Variants in PDZD2 observed in about 807,000 individuals in gnomAD.
PDZD2 encodes the protein PDZ domain containing 2, also known as PDZ domain-containing protein 2.
A neutral mutation model predicts 220.7 loss-of-function variants in PDZD2; 90 were observed. The ratio of observed to expected loss-of-function variants is 0.41; its 90% confidence interval spans 0.34 to 0.49. The LOEUF (loss-of-function observed/expected upper bound fraction) is 0.49, where lower values mean the gene tolerates loss of function less well. Among genes scored for constraint, PDZD2 ranks in the 20% least tolerant of loss-of-function variants. PDZD2 has a pLI of 0.28. For missense variants in PDZD2, 3,174 were observed against 3,608.5 expected (o/e 0.88, Z 3.08); for synonymous variants, 1,375 against 1,450.5 (o/e 0.95, Z 1.18).
chr5:31,935,467 C>G (rs1361990660), intron 2 of PDZD2, among the ~76,000 whole-genome samples: 3 of 152,314 alleles, frequency 2.0e-5, no homozygotes, highest in Admixed American at 6.5e-5. Context: ...AACTCAAGGG[C>G]TGACTGATAA....
chr5:31,955,683 CTTTT>C (rs34964306), intron 2 of PDZD2, among the ~76,000 whole-genome samples: 5 of 116,882 alleles, frequency 4.3e-5, no homozygotes, highest in Non-Finnish European at 7.1e-5. Flanking sequence ...GGGCTCTGTT[CTTTT>C]TTTTTTTTTT....
At chr5:31,937,208 T>G (rs945789022) in intron 2 of PDZD2, among the ~76,000 whole-genome samples, 2 of 152,194 alleles carry the variant, frequency 1.3e-5, no homozygotes, top group African/African-American at 4.8e-5. Context: ...TTTCTAGGCC[T>G]TGCTTCTCCT....
At chr5:31,784,303 C>T (rs1055098837) in intron 1 of PDZD2, among the ~76,000 whole-genome samples, 14 of 152,182 alleles carry the variant, frequency 9.2e-5, no homozygotes, top group African/African-American at 3.4e-4. Context: ...CCCTTCTTCG[C>T]AGCCCCGAAC....
At chr5:32,094,691 A>G (rs2111604576) in intron 21 of PDZD2, among the ~76,000 whole-genome samples, 1 of 150,694 alleles carries the variant, frequency 6.6e-6, no homozygotes, top group South Asian at 2.1e-4. Context: ...GAGACCCCTC[A>G]TCTCTCAAAA....
chr5:31,704,580 T>A (rs1747736729), intron 1 of PDZD2, among the ~76,000 whole-genome samples: 1 of 152,238 alleles, frequency 6.6e-6, no homozygotes, highest in Admixed American at 6.5e-5. Context: ...TGACTGCAGA[T>A]TTTTCCTATT....
At chr5:32,050,426 CTCTTTTCAAGAAAACTGTCCTT>C (rs1738420149) in intron 8 of PDZD2, among the ~76,000 whole-genome samples, 2 of 152,184 alleles carry the variant, frequency 1.3e-5, no homozygotes, top group Non-Finnish European at 2.9e-5. Flanking sequence ...GTTTTTCCCT[CTCTTTTCAAGAAAACTGTCCTT>C]TCTTTTGTCT....
At chr5:32,021,001 CG>C (rs1554026671) in intron 6 of PDZD2, among the ~76,000 whole-genome samples, 1 of 150,342 alleles carries the variant, frequency 6.7e-6, no homozygotes, top group Non-Finnish European at 1.5e-5. Flanking sequence ...CATTGGGTGC[CG>C]GGGGGAAAAA....
At chr5:31,864,608 C>G (rs954262405) in intron 2 of PDZD2, among the ~76,000 whole-genome samples, 4 of 151,994 alleles carry the variant, frequency 2.6e-5, no homozygotes, top group African/African-American at 9.7e-5. Flanking sequence ...CAACCTCTGC[C>G]TCCCAGGTTC....
In PDZD2 at chr5:31,983,437, C is replaced by T. The variant is rs1043921372; in HGVS notation, c.759C>T (p.Gly253=). 1 of 1,614,184 alleles carries T rather than the reference C, an allele frequency of 6.2e-7. No homozygotes were observed. Among genetic ancestry groups the T allele is most frequent in the African/African-American group, 1.3e-5 (1 of 75,030 alleles). ...SSDPSTELEN[G]PDPELGNGHV... ...ACCCCAGCACTGAGCTGGAGAACGG[C>T]CCTGACCCTGAACTTGGAAACGGCC... Residue 253 remains glycine, a synonymous_variant, in exon 3 of 25, where the codon GGC becomes GGT. Coordinates refer to ENST00000438447, the MANE Select transcript of PDZD2 (RefSeq NM_178140.4).
chr5:32,100,776 C>T (rs1332187533), intron 23 of PDZD2: 1 of 716,652 alleles, frequency 1.4e-6, no homozygotes, highest in Non-Finnish European at 2.2e-6. Context: ...CTGAGAAGTG[C>T]ACAGCCGGTG....
At chr5:32,038,643 G>T (rs1336850725) in intron 7 of PDZD2, among the ~76,000 whole-genome samples, 1 of 152,076 alleles carries the variant, frequency 6.6e-6, no homozygotes, top group Non-Finnish European at 1.5e-5. Flanking sequence ...TATTTAAAAG[G>T]AAACACTTTT....
chr5:31,933,891 G>A (rs1411499622), intron 2 of PDZD2, among the ~76,000 whole-genome samples: 1 of 152,184 alleles, frequency 6.6e-6, no homozygotes, highest in East Asian at 1.9e-4. Context: ...TGCCTGTCAT[G>A]GATAATGCAA....
intron 6 of PDZD2, 95 bp from the exon 7 acceptor site, chr5:32,037,136 G>A: frequency 1.3e-6 from 1 of 750,734 alleles, no homozygotes. Flanking sequence ...CTGTATTGCT[G>A]CTCCTTGAGC....
intron 2 of PDZD2, among the ~76,000 whole-genome samples, chr5:31,976,943 C>T (rs1749840079): frequency 6.6e-6 from 1 of 151,542 alleles, no homozygotes; most frequent in Non-Finnish European, 1.5e-5. Flanking sequence ...GTCTCGAACT[C>T]CTGACCCCAT....
At chr5:31,947,934 G>A (rs1192398544) in intron 2 of PDZD2, among the ~76,000 whole-genome samples, 1 of 151,968 alleles carries the variant, frequency 6.6e-6, no homozygotes, top group Non-Finnish European at 1.5e-5. Context: ...GAAGGGCTTT[G>A]GGAAAGAAAG....
At chr5:31,741,327 TG>T (rs1217977947) in intron 1 of PDZD2, among the ~76,000 whole-genome samples, 2 of 152,070 alleles carry the variant, frequency 1.3e-5, no homozygotes, top group Admixed American at 1.3e-4. Context: ...CCCCAATTTT[TG>T]GCAATGAAAA....
Position 32,088,672 on chromosome 5 carries a change from G to A in PDZD2, c.5224G>A (p.Glu1742Lys), listed in dbSNP as rs202191557. 49 of 1,613,896 alleles carry A rather than the reference G, an allele frequency of 3.0e-5. No homozygotes were observed. Among genetic ancestry groups the A allele is most frequent in the Admixed American group, 1.2e-4 (7 of 60,010 alleles). ...NGLEHDLLDDETLNQYETSIN... is the reference protein window; with the variant it reads ...NGLEHDLLDDKTLNQYETSIN... ...CTTGGAACATGACCTGCTAGATGAC[G>A]AAACCCTGAATCAATACGAAACAAG... Residue 1742 changes from glutamate (E) to lysine (K), a missense_variant, in exon 20 of 25, where the codon GAA (glutamate) becomes AAA (lysine). Around this residue, in one of 4 missense-constraint regions of PDZD2, gnomAD observed 1,861 missense variants for 2,001.0 expected, o/e 0.93. Transcript: ENST00000438447. The surrounding 1 kb of genome is among the most constrained non-coding windows in gnomAD (Gnocchi z 4.6).
chr5:32,044,340 A>G (rs1468009503), intron 7 of PDZD2, among the ~76,000 whole-genome samples: 1 of 152,098 alleles, frequency 6.6e-6, no homozygotes, highest in Non-Finnish European at 1.5e-5. Context: ...AAAAAAAACC[A>G]GAAGGCCTTC....
chr5:31,959,675 A>G (rs998119777), intron 2 of PDZD2, among the ~76,000 whole-genome samples: 1 of 152,196 alleles, frequency 6.6e-6, no homozygotes, highest in African/African-American at 2.4e-5. Flanking sequence ...AGAGTCAATA[A>G]AGCTTGGAAA....
Sources: allele counts gnomAD v4.1 joint callset (sites outside exome capture counted in the v4.1 genomes callset), GRCh38; gene constraint gnomAD v4.1.1; regional missense constraint gnomAD v4.1.1; non-coding constraint Gnocchi (gnomAD v3.1); transcripts MANE v1.5; gene names NCBI Gene and HGNC (gene_info 2026-07-23, HGNC 2026-07-21).